The following THSD7B variants were observed in gnomAD, a reference collection of about 807,000 sequenced individuals.
THSD7B encodes the protein thrombospondin type-1 domain-containing protein 7B.
THSD7B carries 138 observed loss-of-function variants against 213.6 expected under a neutral mutation model. That is an observed-to-expected ratio of 0.65 (90% confidence interval 0.56 to 0.74). The LOEUF (loss-of-function observed/expected upper bound fraction) is 0.74, where lower values mean the gene tolerates loss of function less well. Ranked by LOEUF, THSD7B falls within the 30% of genes least tolerant of loss-of-function variation. The pLI is 0.00. For missense variants in THSD7B, 1,931 were observed against 1,991.5 expected (o/e 0.97, Z 0.58); for synonymous variants, 742 against 687.0 (o/e 1.08, Z -1.25).
At chr2:137,611,156 A>G (rs1682282694) in intron 17 of THSD7B, among the ~76,000 whole-genome samples, 3 of 151,936 alleles carry the variant, frequency 2.0e-5, no homozygotes, top group Admixed American at 2.0e-4. Flanking sequence ...AGAATTTATC[A>G]TTACATTAGT....
chr2:136,992,084 C>A (rs1232162524), intron 2 of THSD7B, among the ~76,000 whole-genome samples: 1 of 152,102 alleles, frequency 6.6e-6, no homozygotes, highest in Non-Finnish European at 1.5e-5. Context: ...CCCAACACAC[C>A]AATATATAAT....
intron 2 of THSD7B, among the ~76,000 whole-genome samples, chr2:137,025,936 C>A (rs1686546208): frequency 6.6e-6 from 1 of 152,102 alleles, no homozygotes. Context: ...TGTGCATAAT[C>A]TTTTTGTCAC....
At chr2:137,122,598 G>C (rs1688563837) in intron 5 of THSD7B, among the ~76,000 whole-genome samples, 1 of 152,138 alleles carries the variant, frequency 6.6e-6, no homozygotes, top group African/African-American at 2.4e-5. Flanking sequence ...TAGAATTGTA[G>C]GCTATGATCT....
intron 7 of THSD7B, among the ~76,000 whole-genome samples, chr2:137,222,544 A>G (rs1681394141): frequency 6.6e-6 from 1 of 152,208 alleles, no homozygotes; most frequent in Non-Finnish European, 1.5e-5. Context: ...ATCAGATCAT[A>G]TTTTGAGATG....
chr2:137,639,480 C>T, intron 20 of THSD7B, among the ~76,000 whole-genome samples: 1 of 152,192 alleles, frequency 6.6e-6, no homozygotes, highest in East Asian at 1.9e-4. Flanking sequence ...GGGTCGGAGC[C>T]CCCACACAGA....
intron 4 of THSD7B, among the ~76,000 whole-genome samples, chr2:137,098,773 T>C (rs760720603): frequency 2.6e-5 from 4 of 152,104 alleles, no homozygotes; most frequent in Admixed American, 1.3e-4. Context: ...CACTAAACAC[T>C]ATGAGTGACT....
intron 2 of THSD7B, among the ~76,000 whole-genome samples, chr2:137,043,400 C>A (rs1254990255): frequency 6.6e-6 from 1 of 152,048 alleles, no homozygotes; most frequent in Non-Finnish European, 1.5e-5. Context: ...TTCCACTGTG[C>A]TCAACCTGAG....
intron 2 of THSD7B, among the ~76,000 whole-genome samples, chr2:136,956,493 T>A (rs7565853): frequency 6.6e-6 from 1 of 151,338 alleles, no homozygotes; most frequent in Non-Finnish European, 1.5e-5. Context: ...TTTTTTTAAA[T>A]TTTTTTATTT....
chr2:136,964,264 G>T (rs1052307387), intron 2 of THSD7B, among the ~76,000 whole-genome samples: 1 of 151,980 alleles, frequency 6.6e-6, no homozygotes. Flanking sequence ...ATCCTTTTAG[G>T]ATTAGGAAAT....
At chr2:137,370,609 C>T (rs1685519575) in intron 12 of THSD7B, among the ~76,000 whole-genome samples, 1 of 152,118 alleles carries the variant, frequency 6.6e-6, no homozygotes, top group Admixed American at 6.5e-5. Context: ...ACTGGGATTA[C>T]AGGCATACAC....
intron 12 of THSD7B, among the ~76,000 whole-genome samples, chr2:137,390,862 G>T (rs922416447): frequency 6.6e-6 from 1 of 152,034 alleles, no homozygotes. Context: ...AACCATTTTT[G>T]CATCCCTAGC....
intron 15 of THSD7B, among the ~76,000 whole-genome samples, chr2:137,500,751 T>C (rs1390002280): frequency 6.6e-6 from 1 of 152,224 alleles, no homozygotes; most frequent in Non-Finnish European, 1.5e-5. Context: ...TCATTTTGTT[T>C]ATGCACATGT....
At chr2:137,351,340 T>C (rs1036446783) in intron 12 of THSD7B, among the ~76,000 whole-genome samples, 1 of 151,976 alleles carries the variant, frequency 6.6e-6, no homozygotes, top group African/African-American at 2.4e-5. Context: ...ATTTTTGTCA[T>C]CACCGAGGAT....
chr2:137,411,506 A>G lies in THSD7B; in HGVS notation c.2696-103A>G, dbSNP rs146041373. 1.0e-4 allele frequency: 117 copies of G among 1,136,124 alleles called. No homozygotes were observed. In the African/African-American group the frequency reaches 1.8e-3, roughly 17 times the overall value. 70.4% of individuals were successfully genotyped at this position (1,136,124 alleles called of 1,614,324 possible). A position where few individuals can be genotyped will look rare whatever the true frequency, so the allele number is the denominator to read the frequency against. On this transcript the variant is annotated intron_variant, in intron 13 of 27. Coordinates refer to ENST00000409968, the MANE Select transcript of THSD7B (RefSeq NM_001316349.2). ...AAAGAGTGAAGAAAACAAAGGCTTT[A>G]TTTTATTTAATATTCTAAAAGATTA...
chr2:136,968,353 T>C (rs1300279518), intron 2 of THSD7B, among the ~76,000 whole-genome samples: 1 of 152,112 alleles, frequency 6.6e-6, no homozygotes, highest in African/African-American at 2.4e-5. Context: ...TAATTTGCAT[T>C]TTTGTAAATA....
At chr2:137,204,620 T>C (rs952351281) in intron 7 of THSD7B, among the ~76,000 whole-genome samples, 4 of 152,238 alleles carry the variant, frequency 2.6e-5, no homozygotes, top group African/African-American at 9.6e-5. Flanking sequence ...GACATTTTCA[T>C]TTACAAATAC....
intron 12 of THSD7B, among the ~76,000 whole-genome samples, chr2:137,301,172 C>T (rs921491582): frequency 1.3e-5 from 2 of 152,124 alleles, no homozygotes; most frequent in Non-Finnish European, 2.9e-5. Context: ...ATGTTCACTA[C>T]AGACATTAAC....
chr2:137,658,619 A>T (rs1172983355), intron 24 of THSD7B, among the ~76,000 whole-genome samples: 1 of 152,176 alleles, frequency 6.6e-6, no homozygotes, highest in East Asian at 1.9e-4. Flanking sequence ...TAGAAATAGG[A>T]CTGTGTGGTT....
chr2:137,156,736 C>T (rs931376516), intron 5 of THSD7B, among the ~76,000 whole-genome samples: 6 of 152,158 alleles, frequency 3.9e-5, no homozygotes, highest in African/African-American at 1.4e-4. Flanking sequence ...GCTGCACTGC[C>T]AACCATAAGC....
Sources: gnomAD v4.1 joint callset for allele counts (sites outside exome capture counted in the v4.1 genomes callset) on GRCh38, gnomAD v4.1.1 for gene constraint, MANE v1.5 for transcripts, NCBI Gene and HGNC (gene_info 2026-07-23, HGNC 2026-07-21) for gene names.